Variants in GYPC observed in about 807,000 individuals in gnomAD.
The protein encoded by GYPC is glycophorin-C.
A neutral mutation model predicts 12.6 loss-of-function variants in GYPC; 14 were observed. The ratio of observed to expected loss-of-function variants is 1.11; its 90% CI spans 0.74 to 1.74. The LOEUF is 1.74. Ranked by LOEUF, GYPC falls within the 40% of genes most tolerant of loss-of-function variation. The pLI is 0.00. For synonymous variants in GYPC, 78 were observed against 62.1 expected, an observed-to-expected ratio of 1.26 and a Z score of -1.20; for missense variants, 225 against 172.1, an observed-to-expected ratio of 1.31 and a Z score of -1.72.
intron 1 of GYPC, among the ~76,000 whole-genome samples, chr2:126,687,466 C>T (rs1334475729): frequency 6.6e-6 from 1 of 152,240 alleles, no homozygotes; most frequent in Non-Finnish European, 1.5e-5. Flanking sequence ...TGCTGTCTCA[C>T]AGCATCCACA....
intron 1 of GYPC, among the ~76,000 whole-genome samples, chr2:126,665,602 G>C (rs907377199): frequency 4.6e-5 from 7 of 152,290 alleles, no homozygotes; most frequent in Admixed American, 2.0e-4. Flanking sequence ...GGCCCAGAAG[G>C]GAGCCCTGGA....
At chr2:126,695,417 G>T (rs1341694563) in intron 3 of GYPC, among the ~76,000 whole-genome samples, 12 of 152,154 alleles carry the variant, frequency 7.9e-5, no homozygotes, top group African/African-American at 2.9e-4. Flanking sequence ...GAAGGCACAG[G>T]TTACAGTGCC....
chr2:126,671,636 G>A (rs1190913066), intron 1 of GYPC, among the ~76,000 whole-genome samples: 1 of 152,212 alleles, frequency 6.6e-6, no homozygotes, highest in African/African-American at 2.4e-5. Context: ...TCTGCTGACT[G>A]CCCTAGCACA....
At chr2:126,681,813 A>AAAAG (rs1683158500) in intron 1 of GYPC, among the ~76,000 whole-genome samples, 2 of 151,884 alleles carry the variant, frequency 1.3e-5, no homozygotes, top group Admixed American at 1.3e-4. Context: ...GAAAGAAAAG[A>AAAAG]AAAGAAAGAA....
At chr2:126,671,372 C>T (rs1232216771) in intron 1 of GYPC, among the ~76,000 whole-genome samples, 1 of 152,240 alleles carries the variant, frequency 6.6e-6, no homozygotes, top group Non-Finnish European at 1.5e-5. Context: ...GCCCGACAGC[C>T]AGGGACAACC....
intron 1 of GYPC, among the ~76,000 whole-genome samples, chr2:126,663,295 C>T (rs997215682): frequency 2.6e-5 from 4 of 152,224 alleles, no homozygotes; most frequent in Admixed American, 2.6e-4. Context: ...CTTGGCCTCC[C>T]AAAGTGCTGG....
At chr2:126,694,052 C>A (rs1683564878) in intron 3 of GYPC, 105 bp downstream of exon 3, 4 of 789,540 alleles carry the variant, frequency 5.1e-6, no homozygotes, top group Non-Finnish European at 9.1e-6. Flanking sequence ...TGGCTGTGGC[C>A]ATTTTTTCTC....
rs1383527115 is a variant in GYPC at position 126,656,173 on chromosome 2, G to A, written c.-91G>A. The A allele has an allele frequency of 2.0e-6, 3 of 1,518,514 alleles. No individual in the cohort carries two copies. In the Admixed American group the frequency reaches 6.1e-5, roughly 31 times the overall value. The allele number at this position is 1,518,514 out of a possible 1,614,324, so 94.1% of individuals were successfully genotyped here. On this transcript the variant is annotated 5_prime_UTR_variant, in exon 1 of 4. Coordinates refer to ENST00000259254, the MANE Select transcript of GYPC (RefSeq NM_002101.5). ...GGTGCCGCTTCCTCTCGCCGCCGAG[G>A]GTCAGGAGCCCGGGAGCGCGACCCT... is the stretch of plus-strand genomic sequence containing the variant.
At chr2:126,675,422 G>A (rs908641) in intron 1 of GYPC, among the ~76,000 whole-genome samples, 24,458 of 151,852 alleles carry the variant, frequency 0.16, 2,517 homozygotes, top group East Asian at 0.42. Context: ...CCCTTCATTC[G>A]CTTCTACTCA....
chr2:126,666,424 T>A (rs1307194155), intron 1 of GYPC, among the ~76,000 whole-genome samples: 4 of 152,234 alleles, frequency 2.6e-5, no homozygotes, highest in Non-Finnish European at 4.4e-5. Context: ...CTTTCAAATC[T>A]GTTTCCACTC....
intron 1 of GYPC, among the ~76,000 whole-genome samples, chr2:126,677,248 TA>T (rs1464316562): frequency 2.0e-5 from 3 of 151,656 alleles, no homozygotes; most frequent in African/African-American, 7.3e-5. Flanking sequence ...TGTGTAAGAG[TA>T]TATGTGTATA....
chr2:126,694,975 G>A (rs1157107298), intron 3 of GYPC, among the ~76,000 whole-genome samples: 14 of 151,976 alleles, frequency 9.2e-5, no homozygotes, highest in Non-Finnish European at 2.1e-4. Context: ...AGGGGTGACC[G>A]CCCCTCGCAC....
intron 1 of GYPC, among the ~76,000 whole-genome samples, chr2:126,684,079 T>C (rs576235321): frequency 6.6e-6 from 1 of 152,312 alleles, no homozygotes; most frequent in East Asian, 1.9e-4. Context: ...GCACTGCTGA[T>C]CATCTTATAG....
chr2:126,694,507 TTAA>T (rs1413707523), intron 3 of GYPC, among the ~76,000 whole-genome samples: 1 of 152,060 alleles, frequency 6.6e-6, no homozygotes, highest in Admixed American at 6.6e-5. Flanking sequence ...CAGCAGCTTA[TTAA>T]TAACTCAGGA....
At chr2:126,675,625 ACT>A (rs1274969568) in intron 1 of GYPC, 24 of 937,464 alleles carry the variant, frequency 2.6e-5, no homozygotes, top group Non-Finnish European at 2.9e-5. Flanking sequence ...CTGCTTCAAA[ACT>A]CTAGAGAATC....
intron 1 of GYPC, among the ~76,000 whole-genome samples, chr2:126,670,674 G>A (rs1324858161): frequency 6.6e-6 from 1 of 152,180 alleles, no homozygotes. Flanking sequence ...GTGAGAGGCT[G>A]TGGATGAAGT....
chr2:126,669,363 G>T (rs1230002960), intron 1 of GYPC, among the ~76,000 whole-genome samples: 1 of 152,156 alleles, frequency 6.6e-6, no homozygotes, highest in African/African-American at 2.4e-5. Flanking sequence ...GTCTGTGAGT[G>T]TCAGGGCTGT....
At chr2:126,686,008 ACAGG>A in intron 1 of GYPC, 1 of 985,378 alleles carries the variant, frequency 1.0e-6, no homozygotes, top group Non-Finnish European at 1.2e-6. Context: ...GGACAGATGG[ACAGG>A]AGGAAGACAG....
In GYPC at chr2:126,693,879, T is replaced by A. The variant is rs1450107078; in HGVS notation, c.122T>A (p.Met41Lys). Reference protein sequence around the residue: ...TTTIAEPDPGMSGWPDGRMET... With the variant: ...TTTIAEPDPGKSGWPDGRMET... The stretch of plus-strand genomic sequence containing the variant: ...CTGTTCACAGAGCCTGATCCAGGGA[T>A]GTCTGGATGGCCGGATGGCAGAATG... Residue 41 changes from methionine to lysine, a missense_variant, in exon 3 of 4, where the codon ATG (methionine) becomes AAG (lysine). Coordinates refer to ENST00000259254, the MANE Select transcript of GYPC (RefSeq NM_002101.5). 6.2e-7 allele frequency: 1 copy of A among 1,610,348 alleles called. No individual in the cohort carries two copies. The highest frequency in any genetic ancestry group is 8.5e-7 in the Non-Finnish European group (1 of 1,176,550).
Sources: allele counts gnomAD v4.1 joint callset (sites outside exome capture counted in the v4.1 genomes callset), GRCh38; gene constraint gnomAD v4.1.1; transcripts MANE v1.5; gene names NCBI Gene and HGNC (gene_info 2026-07-23, HGNC 2026-07-21).